LRP1B: variants seen among roughly 807,000 people sequenced by gnomAD.
LRP1B encodes the protein low-density lipoprotein receptor-related protein 1B.
Under a neutral mutation model 556.6 loss-of-function variants are expected in LRP1B, and 217 were observed. That is an observed-to-expected ratio of 0.39 (90% CI 0.35 to 0.44). The LOEUF (loss-of-function observed/expected upper bound fraction) is 0.44. Among genes scored for constraint, LRP1B ranks in the 20% least tolerant of loss-of-function variants. The pLI is 1.00. For missense variants in LRP1B, 5,053 were observed against 5,620.8 expected (o/e 0.90, Z 3.23); for synonymous variants, 2,047 against 1,865.8 (o/e 1.10, Z -2.50).
chr2:140,690,322 G>C (rs1559056825), intron 41 of LRP1B, among the ~76,000 whole-genome samples: 1 of 151,632 alleles, frequency 6.6e-6, no homozygotes, highest in East Asian at 1.9e-4. Context: ...CTCATGCTTT[G>C]TTAAAAGGGC....
intron 25 of LRP1B, among the ~76,000 whole-genome samples, chr2:140,871,927 C>G (rs1469681121): frequency 6.6e-6 from 1 of 151,784 alleles, no homozygotes; most frequent in African/African-American, 2.4e-5. Context: ...TTTTAAGGAG[C>G]TCAATGGTTA....
intron 3 of LRP1B, among the ~76,000 whole-genome samples, chr2:141,398,533 A>G (rs1690330256): frequency 1.3e-5 from 2 of 152,140 alleles, no homozygotes; most frequent in Non-Finnish European, 2.9e-5. Flanking sequence ...TGAAGAAGAC[A>G]CTACTATTGT....
At chr2:141,196,093 A>C (rs1241863285) in intron 6 of LRP1B, among the ~76,000 whole-genome samples, 1 of 152,050 alleles carries the variant, frequency 6.6e-6, no homozygotes, top group Non-Finnish European at 1.5e-5. Context: ...TATGTAAACT[A>C]TGGTCAGGGG....
intron 86 of LRP1B, among the ~76,000 whole-genome samples, chr2:140,266,810 G>C (rs1299916010): frequency 1.3e-5 from 2 of 151,914 alleles, no homozygotes; most frequent in Non-Finnish European, 2.9e-5. Flanking sequence ...TGTTTTCCCA[G>C]AGCACTTTGG....
At chr2:140,462,922 A>C (rs2105331248) in intron 60 of LRP1B, among the ~76,000 whole-genome samples, 1 of 152,222 alleles carries the variant, frequency 6.6e-6, no homozygotes, top group East Asian at 1.9e-4. Context: ...GACACTAATA[A>C]TTTCCCCTGA....
At chr2:142,061,656 TA>T (rs1462797231) in intron 1 of LRP1B, among the ~76,000 whole-genome samples, 3 of 151,986 alleles carry the variant, frequency 2.0e-5, no homozygotes, top group African/African-American at 7.2e-5. Context: ...ATAATTCAGT[TA>T]AAAACGACTA....
intron 67 of LRP1B, among the ~76,000 whole-genome samples, chr2:140,379,481 G>A (rs1447217418): frequency 6.6e-6 from 1 of 152,086 alleles, no homozygotes; most frequent in African/African-American, 2.4e-5. Context: ...GATCAGTTGA[G>A]GTCAGGAGTT....
At chr2:140,509,083 A>ACAAACACAC (rs1558931371) in intron 52 of LRP1B, among the ~76,000 whole-genome samples, 15 of 148,902 alleles carry the variant, frequency 1.0e-4, no homozygotes, top group East Asian at 4.0e-4. Flanking sequence ...CACACACACA[A>ACAAACACAC]ACACACACAC....
intron 7 of LRP1B, among the ~76,000 whole-genome samples, chr2:141,127,100 A>G (rs1403446287): frequency 6.6e-6 from 1 of 152,054 alleles, no homozygotes; most frequent in Non-Finnish European, 1.5e-5. Flanking sequence ...ATGAGTGAGA[A>G]CACGCGGTGT....
In LRP1B at chr2:140,526,075, A is replaced by C. The variant is rs79039906; in HGVS notation, c.7877-82T>G. Reference sequence around the variant, plus strand: ...TTCTATGTAGGTCATAGAGATGAGAAAAGTTAACTTCATTTGAGGAAATAG... The same window carrying C: ...TTCTATGTAGGTCATAGAGATGAGACAAGTTAACTTCATTTGAGGAAATAG... On this transcript the variant is annotated intron_variant, in intron 48 of 90. Coordinates refer to ENST00000389484, the MANE Select transcript of LRP1B (RefSeq NM_018557.3). 1.5e-3 allele frequency: 2,201 copies of C among 1,466,126 alleles called. 35 individuals are homozygous for C. In the African/African-American group the frequency reaches 0.028, roughly 19 times the overall value. 90.8% of individuals were successfully genotyped at this position (1,466,126 alleles called of 1,614,324 possible).
intron 2 of LRP1B, among the ~76,000 whole-genome samples, chr2:141,571,696 G>C (rs964424754): frequency 6.6e-5 from 10 of 152,038 alleles, no homozygotes; most frequent in Non-Finnish European, 1.3e-4. Flanking sequence ...AAAGGTTAGA[G>C]GAATTGCCAC....
In LRP1B at chr2:140,413,406, T is replaced by C. The variant is rs146697540; in HGVS notation, c.10415-27397A>G. Among the ~76,000 whole-genome samples, 161 of 152,310 alleles carry C rather than the reference T, an allele frequency of 1.1e-3. 3 individuals are homozygous for C. The highest frequency in any genetic ancestry group is 3.5e-3 in the African/African-American group (147 of 41,566). ...AGAGACAGATCTGAACTAAGGTTTC[T>C]AATAGAAAATCTGTCACCGTGAACC... On this transcript the variant is annotated intron_variant, in intron 66 of 90. Transcript: ENST00000389484.
At chr2:141,825,190 T>C (rs768796907) in intron 1 of LRP1B, among the ~76,000 whole-genome samples, 6 of 152,178 alleles carry the variant, frequency 3.9e-5, no homozygotes, top group Non-Finnish European at 8.8e-5. Context: ...CAACTAGCTC[T>C]GAAAAAAAGT....
chr2:140,457,872 G>GAA (rs535709840), intron 60 of LRP1B, among the ~76,000 whole-genome samples: 1 of 149,116 alleles, frequency 6.7e-6, no homozygotes, highest in African/African-American at 2.5e-5. Flanking sequence ...TCAACCACTG[G>GAA]AAAAAAAAAT....
chr2:141,157,789 T>C (rs1242129090), intron 7 of LRP1B, among the ~76,000 whole-genome samples: 1 of 152,122 alleles, frequency 6.6e-6, no homozygotes, highest in Non-Finnish European at 1.5e-5. Flanking sequence ...TGTAGGAACT[T>C]TTTCCATGAA....
At chr2:140,300,535 G>C (rs565187834) in intron 83 of LRP1B, among the ~76,000 whole-genome samples, 94 of 152,242 alleles carry the variant, frequency 6.2e-4, no homozygotes, top group African/African-American at 2.2e-3. Context: ...AGCCTACAAG[G>C]GTAGCACAAT....
chr2:141,226,381 T>C (rs1465734558), intron 6 of LRP1B, among the ~76,000 whole-genome samples: 2 of 152,212 alleles, frequency 1.3e-5, no homozygotes, highest in Non-Finnish European at 1.5e-5. Flanking sequence ...GCAGTGGGTA[T>C]CCAGTGAGAT....
intron 1 of LRP1B, among the ~76,000 whole-genome samples, chr2:142,085,768 C>T (rs1705895382): frequency 6.6e-6 from 1 of 152,162 alleles, no homozygotes; most frequent in Non-Finnish European, 1.5e-5. Context: ...CTCATATCTT[C>T]AATCCCCCAA....
At chr2:141,935,576 A>G (rs1316831767) in intron 1 of LRP1B, among the ~76,000 whole-genome samples, 3 of 152,206 alleles carry the variant, frequency 2.0e-5, no homozygotes, top group Non-Finnish European at 1.5e-5. Context: ...AGGACAAAGT[A>G]GAATAATTAA....
Sources: gnomAD v4.1 joint callset for allele counts (sites outside exome capture counted in the v4.1 genomes callset) on GRCh38, gnomAD v4.1.1 for gene constraint, MANE v1.5 for transcripts, NCBI Gene and HGNC (gene_info 2026-07-23, HGNC 2026-07-21) for gene names.